Variants in VOPP1 observed in about 807,000 individuals in gnomAD.
VOPP1 encodes the protein WW domain binding protein VOPP1.
In VOPP1, 8 loss-of-function variants were observed where a neutral mutation model predicts 23.5. The observed-to-expected ratio is 0.34, with a 90% CI of 0.20 to 0.61. The LOEUF (loss-of-function observed/expected upper bound fraction) is 0.61. VOPP1 is among the 20% of genes least tolerant of loss of function. VOPP1 has a pLI of 0.78. For missense variants in VOPP1, 174 were observed against 238.1 expected, an observed-to-expected ratio of 0.73 and a Z score of 1.77; for synonymous variants, 83 against 97.3, an observed-to-expected ratio of 0.85 and a Z score of 0.86.
intron 4 of VOPP1, among the ~76,000 whole-genome samples, chr7:55,463,868 T>C (rs555368718): frequency 6.6e-6 from 1 of 152,226 alleles, no homozygotes; most frequent in African/African-American, 2.4e-5. Context: ...GCAGGGCTGG[T>C]CAATCCCCAG....
chr7:55,480,074 T>C (rs1562904798), intron 4 of VOPP1, among the ~76,000 whole-genome samples: 1 of 152,248 alleles, frequency 6.6e-6, no homozygotes, highest in Non-Finnish European at 1.5e-5. Flanking sequence ...GTTTCCTAAA[T>C]ATGATTCGAT....
chr7:55,553,149 A>C (rs935749708), intron 1 of VOPP1, among the ~76,000 whole-genome samples: 1 of 152,256 alleles, frequency 6.6e-6, no homozygotes, highest in Admixed American at 6.5e-5. Context: ...CAAGTTAATT[A>C]TATCTCATAA....
At chr7:55,454,981 T>G (rs969336319) in intron 4 of VOPP1, among the ~76,000 whole-genome samples, 1 of 152,160 alleles carries the variant, frequency 6.6e-6, no homozygotes, top group Non-Finnish European at 1.5e-5. Context: ...AATAAAGAAA[T>G]AAAGCGTATT....
chr7:55,499,955 T>C (rs1252995537), intron 2 of VOPP1, among the ~76,000 whole-genome samples: 16 of 152,140 alleles, frequency 1.1e-4, no homozygotes, highest in Admixed American at 1.0e-3. Flanking sequence ...CCTGTGTGTG[T>C]GGAAGAGAAG....
At chr7:55,539,903 A>G (rs1170167230) in intron 1 of VOPP1, among the ~76,000 whole-genome samples, 6 of 110,578 alleles carry the variant, frequency 5.4e-5, no homozygotes, top group African/African-American at 2.1e-4. Context: ...AGCGCTGCAC[A>G]CACACACACA....
At chr7:55,464,609 A>G (rs1027461775) in intron 4 of VOPP1, among the ~76,000 whole-genome samples, 1 of 152,192 alleles carries the variant, frequency 6.6e-6, no homozygotes, top group African/African-American at 2.4e-5. Context: ...TCCCTGCAGC[A>G]TAGAATACTG....
chr7:55,476,253 G>A (rs561965560), intron 4 of VOPP1, among the ~76,000 whole-genome samples: 1 of 152,344 alleles, frequency 6.6e-6, no homozygotes. Context: ...GGCATGGTTT[G>A]AAAGGGAGCT....
At chr7:55,445,040 CT>C (rs1274778621) in intron 4 of VOPP1, among the ~76,000 whole-genome samples, 1 of 152,190 alleles carries the variant, frequency 6.6e-6, no homozygotes, top group African/African-American at 2.4e-5. Flanking sequence ...GACCTTCTGC[CT>C]GGAAATTTCC....
At chr7:55,552,169 C>A (rs1385304272) in intron 1 of VOPP1, among the ~76,000 whole-genome samples, 1 of 152,064 alleles carries the variant, frequency 6.6e-6, no homozygotes, top group Non-Finnish European at 1.5e-5. Flanking sequence ...TGTGCCTCTG[C>A]TAGTTATTAA....
At chr7:55,491,391 C>T (rs1387843057) in intron 4 of VOPP1, among the ~76,000 whole-genome samples, 1 of 152,242 alleles carries the variant, frequency 6.6e-6, no homozygotes, top group Admixed American at 6.5e-5. Context: ...GAACTGACCA[C>T]CTATCCACAG....
At chr7:55,493,886 A>C (rs939228288) in intron 3 of VOPP1, among the ~76,000 whole-genome samples, 1 of 152,244 alleles carries the variant, frequency 6.6e-6, no homozygotes, top group African/African-American at 2.4e-5. Flanking sequence ...TGTATAATTC[A>C]GTGCACCAAG....
At chr7:55,459,521 G>A (rs1479423018) in intron 4 of VOPP1, among the ~76,000 whole-genome samples, 3 of 152,044 alleles carry the variant, frequency 2.0e-5, no homozygotes, top group African/African-American at 7.2e-5. Flanking sequence ...TCTTTGTTGG[G>A]AGACTTATTA....
chr7:55,525,725 T>C (rs1241433222), intron 1 of VOPP1, among the ~76,000 whole-genome samples: 2 of 143,688 alleles, frequency 1.4e-5, no homozygotes, highest in Admixed American at 7.3e-5. Flanking sequence ...GTTCTAAATA[T>C]GTAATCCTTA....
chr7:55,462,278 G>C (rs1378614440), intron 4 of VOPP1, among the ~76,000 whole-genome samples: 1 of 151,904 alleles, frequency 6.6e-6, no homozygotes, highest in African/African-American at 2.4e-5. Flanking sequence ...TTTTTTGTCT[G>C]GCTTTCAACA....
In VOPP1 at chr7:55,498,724, T is replaced by G. The variant is rs575529927; in HGVS notation, c.114-1034A>C. 3.8e-3 allele frequency among the ~76,000 whole-genome samples: 583 copies of G among 152,236 alleles called. 4 individuals are homozygous for G. The highest frequency in any genetic ancestry group is 5.2e-3 in the Non-Finnish European group (356 of 68,016). On this transcript the variant is annotated intron_variant, in intron 2 of 4. Transcript: ENST00000285279. Reference sequence around the variant, plus strand: ...GAGAAATATACAATTCAGCCTAAGGTCTTGGGCACTGAATGTGTAGATTAT... The same window carrying G: ...GAGAAATATACAATTCAGCCTAAGGGCTTGGGCACTGAATGTGTAGATTAT...
At chr7:55,534,590 G>C (rs1024028181) in intron 1 of VOPP1, among the ~76,000 whole-genome samples, 5 of 152,172 alleles carry the variant, frequency 3.3e-5, no homozygotes, top group African/African-American at 1.2e-4. Context: ...TGGGCCCAGG[G>C]AGCTGTCAAC....
chr7:55,451,739 C>G (rs1036489366), intron 4 of VOPP1, among the ~76,000 whole-genome samples: 3 of 152,192 alleles, frequency 2.0e-5, no homozygotes, highest in African/African-American at 7.2e-5. Context: ...TGCAGTGAGC[C>G]AAGATCGTGC....
intron 2 of VOPP1, among the ~76,000 whole-genome samples, chr7:55,506,702 G>C (rs561203264): frequency 6.6e-6 from 1 of 151,656 alleles, no homozygotes. Context: ...TCAATGGTGC[G>C]ATCTTGGTTC....
At chr7:55,477,392 C>T (rs145985803) in intron 4 of VOPP1, among the ~76,000 whole-genome samples, 325 of 152,284 alleles carry the variant, frequency 2.1e-3, no homozygotes, top group African/African-American at 7.4e-3. Flanking sequence ...TGGACTTTGG[C>T]GCTGCCAGAT....
Sources: allele counts gnomAD v4.1 joint callset (sites outside exome capture counted in the v4.1 genomes callset), GRCh38; gene constraint gnomAD v4.1.1; transcripts MANE v1.5; gene names NCBI Gene and HGNC (gene_info 2026-07-23, HGNC 2026-07-21).